Variants in WWC1 observed in about 807,000 individuals in gnomAD.
The protein encoded by WWC1 is protein KIBRA.
WWC1 carries 55 observed loss-of-function variants against 138.4 expected under a neutral mutation model. The observed-to-expected ratio is 0.40, with a 90% CI of 0.32 to 0.50. The LOEUF is 0.50. WWC1 is among the 20% of genes least tolerant of loss of function. The probability of loss-of-function intolerance (pLI) is 0.72; values close to 1 mark genes in which losing one functional copy is unlikely to be tolerated. For missense variants in WWC1, 1,226 were observed against 1,420.4 expected, an observed-to-expected ratio of 0.86 and a Z score of 2.20; for synonymous variants, 524 against 564.9, an observed-to-expected ratio of 0.93 and a Z score of 1.03.
At chr5:168,335,188 G>A (rs1280829234) in intron 1 of WWC1, among the ~76,000 whole-genome samples, 2 of 152,202 alleles carry the variant, frequency 1.3e-5, no homozygotes, top group Non-Finnish European at 2.9e-5. Context: ...TGCTGGTGCA[G>A]GTGCATCTTC....
intron 17 of WWC1, among the ~76,000 whole-genome samples, chr5:168,447,292 C>G (rs1403071576): frequency 6.6e-6 from 1 of 152,214 alleles, no homozygotes; most frequent in Non-Finnish European, 1.5e-5. Context: ...AGGCGGCGCC[C>G]TCCCGTAATA....
chr5:168,418,920 G>A (rs1056770867), intron 9 of WWC1, among the ~76,000 whole-genome samples: 1 of 152,146 alleles, frequency 6.6e-6, no homozygotes, highest in African/African-American at 2.4e-5. Flanking sequence ...CCAGCCTCAG[G>A]CAGGACTCTA....
chr5:168,461,288 C>T (rs968070443), intron 20 of WWC1, among the ~76,000 whole-genome samples: 2 of 152,052 alleles, frequency 1.3e-5, no homozygotes, highest in Non-Finnish European at 1.5e-5. Context: ...GCTGAGATTG[C>T]GCCACTGCAC....
At chr5:168,398,053 A>G (rs756168336) in intron 4 of WWC1, among the ~76,000 whole-genome samples, 1 of 152,154 alleles carries the variant, frequency 6.6e-6, no homozygotes, top group Non-Finnish European at 1.5e-5. Context: ...CGTGTCTATG[A>G]AGTAACTACC....
chr5:168,467,086 G>A (rs541906430), intron 21 of WWC1, among the ~76,000 whole-genome samples: 49 of 152,242 alleles, frequency 3.2e-4, no homozygotes, highest in Admixed American at 5.9e-4. Context: ...GTGAAACCCC[G>A]TCTCTACTAA....
chr5:168,317,964 G>A (rs1448660660), intron 1 of WWC1, among the ~76,000 whole-genome samples: 1 of 152,208 alleles, frequency 6.6e-6, no homozygotes, highest in African/African-American at 2.4e-5. Context: ...GTGCTGGAGA[G>A]ACCCGAGGGT....
chr5:168,458,328 G>C (rs1756511120), intron 19 of WWC1, among the ~76,000 whole-genome samples: 1 of 152,158 alleles, frequency 6.6e-6, no homozygotes, highest in Admixed American at 6.5e-5. Context: ...CAACTCCAAA[G>C]CCTGCAGCCT....
At chr5:168,397,890 TC>T in intron 4 of WWC1, 90 bp downstream of exon 4, 1 of 1,419,278 alleles carries the variant, frequency 7.0e-7, no homozygotes, top group Non-Finnish European at 9.9e-7. Flanking sequence ...GAACAGATGC[TC>T]CAGCCAGGCT....
intron 1 of WWC1, among the ~76,000 whole-genome samples, chr5:168,343,589 C>T (rs777425778): frequency 3.6e-4 from 54 of 152,016 alleles, no homozygotes; most frequent in Admixed American, 5.2e-4. Context: ...TTTGGGAGGC[C>T]GAGGTGGGCG....
chr5:168,363,015 CCAAA>C (rs1775994166), intron 1 of WWC1, among the ~76,000 whole-genome samples: 1 of 151,972 alleles, frequency 6.6e-6, no homozygotes, highest in African/African-American at 2.4e-5. Context: ...GTAAGCCAGC[CCAAA>C]CAGAGTAGGG....
intron 5 of WWC1, among the ~76,000 whole-genome samples, chr5:168,400,633 C>T (rs553526572): frequency 1.3e-5 from 2 of 152,280 alleles, no homozygotes; most frequent in South Asian, 4.1e-4. Context: ...AACTGAGTCA[C>T]TTAGCAGGTA....
chr5:168,395,552 A>G (rs1265081465), intron 3 of WWC1, among the ~76,000 whole-genome samples: 1 of 152,220 alleles, frequency 6.6e-6, no homozygotes, highest in African/African-American at 2.4e-5. Flanking sequence ...CTGTATGCTT[A>G]AGGTGATACC....
At chr5:168,347,347 C>T (rs1158448037) in intron 1 of WWC1, among the ~76,000 whole-genome samples, 1 of 152,170 alleles carries the variant, frequency 6.6e-6, no homozygotes, top group East Asian at 1.9e-4. Context: ...TCACCAGGCT[C>T]GCAAGGGTCT....
chr5:168,305,483 A>C (rs376149061), intron 1 of WWC1, among the ~76,000 whole-genome samples: 5 of 152,068 alleles, frequency 3.3e-5, no homozygotes, highest in African/African-American at 1.2e-4. Flanking sequence ...CGTCTTTTCT[A>C]TTCTTGGTTA....
In WWC1 at chr5:168,472,171, G is replaced by A. The variant is rs988010579; in HGVS notation, c.*3154G>A. ...TTGTGGGGAGAACCAGACCACCTCT[G>A]CGGAAGGCAGCAGACCCTCTTCCAG... On this transcript the variant is annotated 3_prime_UTR_variant, in exon 23 of 23. Coordinates refer to ENST00000265293, the MANE Select transcript of WWC1 (RefSeq NM_015238.3). 1.2e-4 allele frequency: 19 copies of A among 152,250 alleles called. No homozygotes were observed. Among genetic ancestry groups the A allele is most frequent in the African/African-American group, 4.6e-4 (19 of 41,448 alleles). The allele number at this position is 152,250 out of a possible 1,614,324, so 9.4% of individuals were successfully genotyped here.
chr5:168,420,117 G>A (rs1780971535), intron 9 of WWC1, among the ~76,000 whole-genome samples: 1 of 152,162 alleles, frequency 6.6e-6, no homozygotes, highest in African/African-American at 2.4e-5. Flanking sequence ...GCCTTCCCTT[G>A]TTTTTGCTTC....
At chr5:168,323,231 A>G (rs541886927) in intron 1 of WWC1, among the ~76,000 whole-genome samples, 1 of 152,284 alleles carries the variant, frequency 6.6e-6, no homozygotes, top group South Asian at 2.1e-4. Flanking sequence ...ACTAGTGAAC[A>G]TGCAGTCAGG....
At chr5:168,426,838 G>A (rs912269689) in intron 11 of WWC1, among the ~76,000 whole-genome samples, 2 of 152,244 alleles carry the variant, frequency 1.3e-5, no homozygotes, top group Admixed American at 6.5e-5. Flanking sequence ...TAGCTGTGAG[G>A]TTGTAAGATC....
At chr5:168,304,099 GAC>G (rs1187489113) in intron 1 of WWC1, among the ~76,000 whole-genome samples, 1 of 152,244 alleles carries the variant, frequency 6.6e-6, no homozygotes, top group East Asian at 1.9e-4. Context: ...AATCACATTA[GAC>G]ATCTCTCATT....
Sources: gnomAD v4.1 joint callset for allele counts (sites outside exome capture counted in the v4.1 genomes callset) on GRCh38, gnomAD v4.1.1 for gene constraint, MANE v1.5 for transcripts, NCBI Gene and HGNC (gene_info 2026-07-23, HGNC 2026-07-21) for gene names.